ESRRG: variants seen among roughly 807,000 people sequenced by gnomAD.
ESRRG encodes estrogen related receptor gamma.
Under a neutral mutation model 44.0 loss-of-function variants are expected in ESRRG, and 13 were observed. The observed-to-expected ratio is 0.30, with a 90% CI of 0.19 to 0.47. The LOEUF is 0.47. ESRRG is among the 20% of genes least tolerant of loss of function. The pLI, the probability that ESRRG is intolerant of heterozygous loss-of-function variation, is 1.00. For synonymous variants in ESRRG, 215 were observed against 214.6 expected, an observed-to-expected ratio of 1.00 and a Z score of -0.02; for missense variants, 395 against 580.6, an observed-to-expected ratio of 0.68 and a Z score of 3.29.
intron 1 of ESRRG, among the ~76,000 whole-genome samples, chr1:217,111,408 A>G (rs1322336095): frequency 1.3e-5 from 2 of 152,150 alleles, no homozygotes; most frequent in African/African-American, 4.8e-5. Flanking sequence ...GGAGACTATA[A>G]AATAGGGTGG....
intron 2 of ESRRG, among the ~76,000 whole-genome samples, chr1:216,783,583 C>G (rs1275076234): frequency 1.3e-5 from 2 of 152,022 alleles, no homozygotes; most frequent in Non-Finnish European, 2.9e-5. Context: ...AGACTAGTTG[C>G]TTATGTATTC....
chr1:217,063,613 C>T (rs1206380914), intron 1 of ESRRG, among the ~76,000 whole-genome samples: 2 of 152,148 alleles, frequency 1.3e-5, no homozygotes, highest in Non-Finnish European at 2.9e-5. Context: ...GGAAGACCCT[C>T]CAACTAGAGA....
intron 3 of ESRRG, among the ~76,000 whole-genome samples, chr1:216,625,976 C>G (rs1364945670): frequency 6.6e-6 from 1 of 152,124 alleles, no homozygotes; most frequent in Non-Finnish European, 1.5e-5. Flanking sequence ...GTCTGTTTTT[C>G]TTCCCCTTCA....
intron 3 of ESRRG, among the ~76,000 whole-genome samples, chr1:216,635,126 A>G (rs1467246095): frequency 6.6e-6 from 1 of 152,186 alleles, no homozygotes; most frequent in Non-Finnish European, 1.5e-5. Context: ...AAAGGATATA[A>G]GTGCCACACA....
At chr1:216,854,678 A>G (rs1402092653) in intron 2 of ESRRG, among the ~76,000 whole-genome samples, 1 of 152,188 alleles carries the variant, frequency 6.6e-6, no homozygotes, top group African/African-American at 2.4e-5. Context: ...GCTATACAAT[A>G]GTCTTGGCTG....
chr1:216,757,119 A>G (rs2092492277), intron 2 of ESRRG, among the ~76,000 whole-genome samples: 1 of 152,084 alleles, frequency 6.6e-6, no homozygotes, highest in South Asian at 2.1e-4. Context: ...TCACTAATTC[A>G]GACTGTAAAT....
Position 217,104,270 on chromosome 1 carries a change from G to A in ESRRG, c.-230+33397C>T, listed in dbSNP as rs559387181. ...GCACCTTGAGCTACTCAAGGACAGC[G>A]CTGGTACCTACTGAGTTCTTAATTG... On this transcript the variant is annotated intron_variant, in intron 1 of 8. Transcript: ENST00000366940. Among the ~76,000 whole-genome samples, 7 of 152,310 alleles carry A rather than the reference G, an allele frequency of 4.6e-5. No homozygotes were observed. In the East Asian group the frequency reaches 7.7e-4, roughly 17 times the overall value.
At chr1:216,993,134 T>C (rs1454207789) in intron 1 of ESRRG, among the ~76,000 whole-genome samples, 1 of 152,192 alleles carries the variant, frequency 6.6e-6, no homozygotes, top group Non-Finnish European at 1.5e-5. Flanking sequence ...AAGTAGTTGA[T>C]GAATGAATGA....
chr1:216,816,601 T>C (rs756864442), intron 2 of ESRRG, among the ~76,000 whole-genome samples: 2 of 152,124 alleles, frequency 1.3e-5, no homozygotes, highest in Non-Finnish European at 2.9e-5. Context: ...GAGTTGCAAA[T>C]GGTGCATGCC....
intron 3 of ESRRG, among the ~76,000 whole-genome samples, chr1:216,646,560 C>T (rs2067630261): frequency 6.6e-6 from 1 of 152,172 alleles, no homozygotes; most frequent in South Asian, 2.1e-4. Context: ...AGCCACCTGG[C>T]CCTGAAGCTT....
chr1:217,004,749 T>A (rs2077502017), intron 1 of ESRRG, among the ~76,000 whole-genome samples: 1 of 152,222 alleles, frequency 6.6e-6, no homozygotes, highest in Non-Finnish European at 1.5e-5. Flanking sequence ...TGAAAATATG[T>A]ATTCTCATGA....
intron 1 of ESRRG, among the ~76,000 whole-genome samples, chr1:216,682,296 C>G (rs1444491275): frequency 6.6e-6 from 1 of 152,116 alleles, no homozygotes; most frequent in Non-Finnish European, 1.5e-5. Flanking sequence ...TATATCTATA[C>G]CAATAGTAAA....
chr1:216,893,399 G>C lies in ESRRG; in HGVS notation c.-14+46183C>G, dbSNP rs114341998. 4.1e-3 allele frequency among the ~76,000 whole-genome samples: 622 copies of C among 152,220 alleles called. 6 individuals are homozygous for C. The highest frequency in any genetic ancestry group is 0.015 in the African/African-American group (609 of 41,528). On this transcript the variant is annotated intron_variant, in intron 2 of 7. Coordinates refer to the ESRRG transcript ENST00000359162. ...CTGAAATTCCAGTGTCTAATGTAGT[G>C]CCAGGGCCCCATGAGGCACACAGGA...
chr1:216,948,378 T>A (rs900446558), intron 1 of ESRRG, among the ~76,000 whole-genome samples: 1 of 147,894 alleles, frequency 6.8e-6, no homozygotes, highest in South Asian at 2.1e-4. Flanking sequence ...TCAGGAGGTG[T>A]AGGCAGGAGA....
intron 2 of ESRRG, among the ~76,000 whole-genome samples, chr1:216,798,614 T>C (rs2094534885): frequency 6.6e-6 from 1 of 152,074 alleles, no homozygotes; most frequent in African/African-American, 2.4e-5. Flanking sequence ...TCTATATAGG[T>C]AGTAAGAGTG....
chr1:216,700,551 T>C (rs2081202810), intron 1 of ESRRG, among the ~76,000 whole-genome samples: 1 of 152,220 alleles, frequency 6.6e-6, no homozygotes, highest in Non-Finnish European at 1.5e-5. Context: ...AGCTGGACTC[T>C]CGTACTACTG....
intron 2 of ESRRG, among the ~76,000 whole-genome samples, chr1:216,751,115 G>T (rs1275860831): frequency 2.6e-5 from 4 of 152,142 alleles, no homozygotes; most frequent in African/African-American, 9.6e-5. Flanking sequence ...TGGCATGCCA[G>T]ATTGAAAATG....
intron 2 of ESRRG, among the ~76,000 whole-genome samples, chr1:216,786,640 C>A (rs2094136899): frequency 6.6e-6 from 1 of 152,092 alleles, no homozygotes; most frequent in African/African-American, 2.4e-5. Flanking sequence ...AAAGGAAGCT[C>A]TGGATAATCC....
chr1:216,621,274 GCCTGTC>G (rs2062192972), intron 3 of ESRRG, among the ~76,000 whole-genome samples: 1 of 152,086 alleles, frequency 6.6e-6, no homozygotes, highest in Non-Finnish European at 1.5e-5. Flanking sequence ...GGAAAATTAT[GCCTGTC>G]TAGTTCATGG....
Sources: gnomAD v4.1 joint callset for allele counts (sites outside exome capture counted in the v4.1 genomes callset) on GRCh38, gnomAD v4.1.1 for gene constraint, MANE v1.5 for transcripts, NCBI Gene and HGNC (gene_info 2026-07-23, HGNC 2026-07-21) for gene names.